NEMP1: variants seen among roughly 807,000 people sequenced by gnomAD.
NEMP1 encodes nuclear envelope integral membrane protein 1, also known as transmembrane protein 194.
In NEMP1, 29 loss-of-function variants were observed where a neutral mutation model predicts 53.7. The ratio of observed to expected loss-of-function variants is 0.54; its 90% CI spans 0.40 to 0.74. The LOEUF (loss-of-function observed/expected upper bound fraction) is 0.74, where lower values mean the gene tolerates loss of function less well. Among genes scored for constraint, NEMP1 ranks in the 30% least tolerant of loss-of-function variants. NEMP1 has a pLI of 0.00. For synonymous variants in NEMP1, 193 were observed against 192.9 expected (o/e 1.00, Z 0.00); for missense variants, 477 against 528.6 (o/e 0.90, Z 0.96).
intron 2 of NEMP1, among the ~76,000 whole-genome samples, chr12:57,071,612 CAA>C (rs1351541639): frequency 3.3e-5 from 5 of 152,280 alleles, no homozygotes; most frequent in Middle Eastern, 3.4e-3. Flanking sequence ...CTCCTGACCT[CAA>C]GTGATTTGCC....
intron 4 of NEMP1, among the ~76,000 whole-genome samples, chr12:57,068,353 A>ATT (rs562019335): frequency 1.6e-4 from 22 of 140,788 alleles, no homozygotes; most frequent in African/African-American, 5.2e-4. Context: ...TAAACACTTG[A>ATT]TTTTTTTTTT....
At position 57,056,222 on chromosome 12, in the gene NEMP1, T is replaced by TC. The variant is rs1168217262; in HGVS notation, c.*3656dup. 1 of 152,130 alleles carries TC rather than the reference T, an allele frequency of 6.6e-6. No individual in the cohort carries two copies. The highest frequency in any genetic ancestry group is 1.9e-4 in the East Asian group (1 of 5,192). The allele number at this position is 152,130 out of a possible 1,614,324, so 9.4% of individuals were successfully genotyped here. A position where few individuals can be genotyped will look rare whatever the true frequency, so the allele number is the denominator to read the frequency against. The stretch of plus-strand genomic sequence containing the variant: ...GCTCGTGTCACATAAGGCACCAACA[T>TC]CCTTTTCAAGGTAGTAACCATCTAG... On this transcript the variant is annotated 3_prime_UTR_variant, in exon 9 of 9. Coordinates refer to ENST00000300128, the MANE Select transcript of NEMP1 (RefSeq NM_001130963.2).
At position 57,071,473 on chromosome 12, in the gene NEMP1, A is replaced by G. The variant is rs2032343572; in HGVS notation, c.253-580T>C. Among the ~76,000 whole-genome samples the G allele has an allele frequency of 2.0e-5, 3 of 151,788 alleles. No homozygotes were observed. The South Asian group carries it at 6.2e-4, about 32-fold the overall frequency. ...GCTCACTGCAACCGCCACCTCCTGG[A>G]TTCAAGCGATTCTTCTGCCTCAGCC... On this transcript the variant is annotated intron_variant, in intron 2 of 8. Coordinates refer to ENST00000300128, the MANE Select transcript of NEMP1 (RefSeq NM_001130963.2).
At chr12:57,060,085 T>TA (rs2031727872) in intron 8 of NEMP1, 26 bp from the exon 9 acceptor site, 1 of 1,607,050 alleles carries the variant, frequency 6.2e-7, no homozygotes, top group African/African-American at 1.3e-5. Flanking sequence ...TAATACTCGT[T>TA]AGAAATATCC....
chr12:57,062,979 G>C (rs2031889662), intron 7 of NEMP1, 140 bp downstream of exon 7: 1 of 589,578 alleles, frequency 1.7e-6, no homozygotes, highest in South Asian at 3.0e-5. Flanking sequence ...AATAGACTCG[G>C]GAAGGAACAA....
At chr12:57,067,622 T>C (rs1332076638) in intron 4 of NEMP1, among the ~76,000 whole-genome samples, 3 of 152,190 alleles carry the variant, frequency 2.0e-5, no homozygotes, top group Non-Finnish European at 2.9e-5. Context: ...AATAAAGTGA[T>C]GTGTGACTAT....
chr12:57,088,344 A>AC (rs2033077698), upstream of NEMP1, among the ~76,000 whole-genome samples: 1 of 151,784 alleles, frequency 6.6e-6, no homozygotes, highest in Admixed American at 6.6e-5. Context: ...TCTGAGAGCG[A>AC]CCCCCTCAGA....
At chr12:57,071,305 C>G (rs1234922378) in intron 2 of NEMP1, among the ~76,000 whole-genome samples, 1 of 152,186 alleles carries the variant, frequency 6.6e-6, no homozygotes, top group Non-Finnish European at 1.5e-5. Flanking sequence ...TGAGTTCAAT[C>G]CATTGTCACA....
At chr12:57,078,833 CCCG>C, upstream of NEMP1, 2 of 1,463,646 alleles carry the variant, frequency 1.4e-6, no homozygotes, top group Non-Finnish European at 1.8e-6. Context: ...CTCTACGAAA[CCCG>C]CCCCTATCAA....
chr12:57,071,824 CA>C (rs755400940), intron 2 of NEMP1, among the ~76,000 whole-genome samples: 72 of 126,826 alleles, frequency 5.7e-4, no homozygotes, highest in African/African-American at 9.0e-4. Context: ...GACTCCGTCT[CA>C]AAAAAAAAAA....
intron 2 of NEMP1, among the ~76,000 whole-genome samples, chr12:57,072,487 T>C (rs558009868): frequency 3.9e-4 from 60 of 152,220 alleles, no homozygotes; most frequent in Middle Eastern, 3.4e-3. Context: ...TATGTGTGCG[T>C]GCACACACAC....
chr12:57,081,905 T>G (rs1269096251), upstream of NEMP1, among the ~76,000 whole-genome samples: 1 of 132,344 alleles, frequency 7.6e-6, no homozygotes, highest in Non-Finnish European at 1.6e-5. Flanking sequence ...AGACTCCGTC[T>G]CAAAAAATAA....
intron 6 of NEMP1, 47 bp from the exon 7 acceptor site, chr12:57,063,391 T>C: frequency 1.3e-6 from 2 of 1,510,756 alleles, no homozygotes; most frequent in Non-Finnish European, 1.8e-6. Context: ...CTATACTTGG[T>C]AAAAATAATT....
intron 4 of NEMP1, among the ~76,000 whole-genome samples, chr12:57,066,245 ACT>A (rs2032070434): frequency 6.6e-6 from 1 of 152,082 alleles, no homozygotes; most frequent in Non-Finnish European, 1.5e-5. Context: ...AGAGAGCAAG[ACT>A]CTGTCTCAAA....
intron 5 of NEMP1, 101 bp downstream of exon 5, chr12:57,064,545 A>G: frequency 3.7e-6 from 3 of 813,300 alleles, no homozygotes; most frequent in Non-Finnish European, 3.9e-6. Flanking sequence ...TTGACTCATC[A>G]GCCATCAATA....
chr12:57,060,713 G>C lies in NEMP1; in HGVS notation c.1154+59C>G, dbSNP rs555822793. On this transcript the variant is annotated intron_variant, in intron 8 of 8. Transcript: ENST00000300128. Reference sequence around the variant, plus strand: ...ACGATTCTCTAGAAGTATGATCTCTGGTAGAACTCAAGGTCACAATTACCC... The same window carrying C: ...ACGATTCTCTAGAAGTATGATCTCTCGTAGAACTCAAGGTCACAATTACCC... The C allele has an allele frequency of 5.6e-5, 85 of 1,519,596 alleles. No individual in the cohort carries two copies. The African/African-American group carries it at 1.2e-3, about 21-fold the overall frequency. The allele number at this position is 1,519,596 out of a possible 1,614,324, so 94.1% of individuals were successfully genotyped here.
Position 57,063,355 on chromosome 12 carries a change from A to G in NEMP1, c.755-11T>C. 2 of 1,603,670 alleles carry G rather than the reference A, an allele frequency of 1.2e-6. No individual in the cohort carries two copies. The highest frequency in any genetic ancestry group is 1.7e-6 in the Non-Finnish European group (2 of 1,170,898). On this transcript the variant is annotated splice_polypyrimidine_tract_variant and intron_variant, in intron 6 of 8. Transcript: ENST00000300128. ...CTGTGAGGACATAACCTATGAGAAG[A>G]GTTATCAGAAGACATTCTTTTTCAT...
At chr12:57,067,113 C>G (rs2032120804) in intron 4 of NEMP1, among the ~76,000 whole-genome samples, 1 of 152,116 alleles carries the variant, frequency 6.6e-6, no homozygotes, top group Non-Finnish European at 1.5e-5. Context: ...ATCATGAGGT[C>G]AGGAGATCGA....
intron 3 of NEMP1, among the ~76,000 whole-genome samples, chr12:57,069,802 C>A (rs957727695): frequency 6.6e-6 from 1 of 150,382 alleles, no homozygotes; most frequent in South Asian, 2.1e-4. Context: ...CACGCAAATA[C>A]CTCTCACTCA....
Sources: allele counts gnomAD v4.1 joint callset (sites outside exome capture counted in the v4.1 genomes callset), GRCh38; gene constraint gnomAD v4.1.1; transcripts MANE v1.5; gene names NCBI Gene and HGNC (gene_info 2026-07-23, HGNC 2026-07-21).